PCTP: variants seen among roughly 807,000 people sequenced by gnomAD.
PCTP encodes phosphatidylcholine transfer protein, also known as START domain-containing protein 2.
Under a neutral mutation model 31.0 loss-of-function variants are expected in PCTP, and 27 were observed. That is an observed-to-expected ratio of 0.87 (90% CI 0.64 to 1.20). The LOEUF (loss-of-function observed/expected upper bound fraction) is 1.20, where lower values mean the gene tolerates loss of function less well. Among genes scored for constraint, PCTP ranks in the 50% most tolerant of loss-of-function variants. The pLI, the probability that PCTP is intolerant of heterozygous loss-of-function variation, is 0.00. For missense variants in PCTP, 287 were observed against 268.2 expected, an observed-to-expected ratio of 1.07 and a Z score of -0.49; for synonymous variants, 108 against 101.2, an observed-to-expected ratio of 1.07 and a Z score of -0.40.
At position 55,770,158 on chromosome 17, in the gene PCTP, C is replaced by T. The variant is rs550831869; in HGVS notation, c.260-948C>T. 26 of 152,330 alleles carry T rather than the reference C, an allele frequency of 1.7e-4. No individual in the cohort carries two copies. The East Asian group carries it at 4.8e-3, about 28-fold the overall frequency. The allele number at this position is 152,330 out of a possible 1,614,324, so 9.4% of individuals were successfully genotyped here. ...ATTAAATTTCTTTGCTATCTCCCTC[C>T]AAGAGTTGGCTGCTGTTTGCACATA... is the stretch of plus-strand genomic sequence containing the variant. On this transcript the variant is annotated intron_variant, in intron 2 of 5. Transcript: ENST00000268896.
At chr17:55,775,958 T>C in intron 5 of PCTP, 77 bp from the exon 6 acceptor site, 3 of 1,574,874 alleles carry the variant, frequency 1.9e-6, no homozygotes, top group South Asian at 2.4e-5. Flanking sequence ...CAACATTGTT[T>C]ACCTTCTGCC....
chr17:55,759,482 A>G (rs1910225226), intron 1 of PCTP, among the ~76,000 whole-genome samples: 1 of 152,214 alleles, frequency 6.6e-6, no homozygotes, highest in African/African-American at 2.4e-5. Context: ...GACTTCTGCC[A>G]TTAGAACTGC....
chr17:55,839,294 T>C (rs1304601308), intron 5 of PCTP, among the ~76,000 whole-genome samples: 4 of 152,160 alleles, frequency 2.6e-5, no homozygotes, highest in African/African-American at 9.7e-5. Flanking sequence ...CACTCAGTAA[T>C]AAGAGCTATT....
chr17:55,766,793 G>A (rs1012542452), intron 1 of PCTP, among the ~76,000 whole-genome samples: 4 of 151,758 alleles, frequency 2.6e-5, no homozygotes, highest in African/African-American at 9.7e-5. Flanking sequence ...GGGATGGCTG[G>A]GTCAAATGGT....
intron 5 of PCTP, among the ~76,000 whole-genome samples, chr17:55,830,855 G>C (rs1216824993): frequency 6.6e-6 from 1 of 152,162 alleles, no homozygotes. Flanking sequence ...ACATGAAGTG[G>C]TGTCAGGCCG....
the PCTP span, among the ~76,000 whole-genome samples, chr17:55,852,170 C>A: frequency 3.3e-5 from 5 of 152,060 alleles, no homozygotes; most frequent in Non-Finnish European, 7.4e-5. Flanking sequence ...GTAATATATA[C>A]TAGAATCTCA....
At chr17:55,800,843 C>A (rs1307755628) in intron 3 of PCTP, among the ~76,000 whole-genome samples, 1 of 151,866 alleles carries the variant, frequency 6.6e-6, no homozygotes, top group Non-Finnish European at 1.5e-5. Context: ...TGATGCTATT[C>A]CTTTCCGTTT....
At chr17:55,823,335 T>C (rs1025830233), downstream of PCTP, among the ~76,000 whole-genome samples, 1 of 152,224 alleles carries the variant, frequency 6.6e-6, no homozygotes, top group Admixed American at 6.5e-5. Flanking sequence ...TGTCTTACCA[T>C]TGACAGAATA....
chr17:55,826,746 T>C (rs1280080255), downstream of PCTP, among the ~76,000 whole-genome samples: 1 of 152,154 alleles, frequency 6.6e-6, no homozygotes, highest in Non-Finnish European at 1.5e-5. Context: ...CCTGTCTAGG[T>C]TTGGGCTCTG....
intron 5 of PCTP, among the ~76,000 whole-genome samples, chr17:55,839,919 C>CAAAAAAAAAAAAA (rs57402824): frequency 7.4e-3 from 92 of 12,494 alleles, no homozygotes; most frequent in Non-Finnish European, 0.011. Context: ...GACTCAGTCT[C>CAAAAAAAAAAAAA]AAAAAAAAAA....
chr17:55,832,736 C>A (rs181584171), intron 5 of PCTP, among the ~76,000 whole-genome samples: 99 of 152,228 alleles, frequency 6.5e-4, no homozygotes, highest in African/African-American at 2.3e-3. Flanking sequence ...AGGAATATTC[C>A]CTTGATCAAT....
intron 2 of PCTP, among the ~76,000 whole-genome samples, chr17:55,785,828 C>A (rs1911728158): frequency 6.6e-6 from 1 of 152,226 alleles, no homozygotes; most frequent in South Asian, 2.1e-4. Context: ...TATAGGGCTA[C>A]TTTGTACCAG....
chr17:55,809,776 G>A (rs34809874), intron 3 of PCTP, among the ~76,000 whole-genome samples: 21,236 of 152,006 alleles, frequency 0.14, 1,541 homozygotes, highest in Middle Eastern at 0.19. Context: ...CCGCCTCGGC[G>A]TCCCAAAATG....
chr17:55,779,161 A>G (rs1458538296), downstream of PCTP, among the ~76,000 whole-genome samples: 1 of 152,220 alleles, frequency 6.6e-6, no homozygotes, highest in Non-Finnish European at 1.5e-5. Context: ...ATATTTCTCA[A>G]GAGGCTGGAG....
intron 5 of PCTP, among the ~76,000 whole-genome samples, chr17:55,831,736 C>T (rs546620882): frequency 3.3e-4 from 51 of 152,276 alleles, no homozygotes; most frequent in Non-Finnish European, 3.2e-4. Context: ...GTCCCAGATA[C>T]GATTAGGCTA....
At position 55,831,193 on chromosome 17, in the gene PCTP, G is replaced by A. The variant is rs1306239922; in HGVS notation, n.505+8266G>A. 3.3e-5 allele frequency among the ~76,000 whole-genome samples: 5 copies of A among 152,162 alleles called. No individual in the cohort carries two copies. In the South Asian group the frequency reaches 1.0e-3, roughly 32 times the overall value. ...AATGCCAGGTTTAAAAAGCGACTCGGTAGCTGACAGTTCTTGTAATACTCC... is the reference window on the plus strand; with the variant it reads ...AATGCCAGGTTTAAAAAGCGACTCGATAGCTGACAGTTCTTGTAATACTCC... On this transcript the variant is annotated intron_variant and non_coding_transcript_variant, in intron 5 of 5. Coordinates refer to the PCTP transcript ENST00000576221.
chr17:55,791,926 A>G (rs1911998026), intron 3 of PCTP, among the ~76,000 whole-genome samples: 1 of 152,138 alleles, frequency 6.6e-6, no homozygotes, highest in Non-Finnish European at 1.5e-5. Flanking sequence ...ACAGTGATAG[A>G]CTGGCTTAGG....
At chr17:55,773,520 T>C (rs1387679231) in intron 3 of PCTP, 2 of 531,140 alleles carry the variant, frequency 3.8e-6, no homozygotes, top group Non-Finnish European at 6.8e-6. Flanking sequence ...TAATACATGC[T>C]CTTTGGTGAG....
intron 1 of PCTP, among the ~76,000 whole-genome samples, chr17:55,764,560 T>G (rs1910535183): frequency 6.6e-6 from 1 of 152,188 alleles, no homozygotes; most frequent in Admixed American, 6.5e-5. Flanking sequence ...ATCACATGCT[T>G]TTAGAGCTGG....
Sources: allele counts gnomAD v4.1 joint callset (sites outside exome capture counted in the v4.1 genomes callset), GRCh38; gene constraint gnomAD v4.1.1; transcripts MANE v1.5; gene names NCBI Gene and HGNC (gene_info 2026-07-23, HGNC 2026-07-21).